NDC1: variants seen among roughly 807,000 people sequenced by gnomAD.
The protein encoded by NDC1 is nucleoporin NDC1.
In NDC1, 24 loss-of-function variants were observed where a neutral mutation model predicts 89.8. The observed-to-expected ratio is 0.27, with a 90% CI of 0.19 to 0.38. The LOEUF is 0.38. Among genes scored for constraint, NDC1 ranks in the 10% least tolerant of loss-of-function variants. The pLI is 1.00. For synonymous variants in NDC1, 296 were observed against 284.8 expected, an observed-to-expected ratio of 1.04 and a Z score of -0.39; for missense variants, 728 against 797.6, an observed-to-expected ratio of 0.91 and a Z score of 1.05.
chr1:53,776,430 T>C (rs1411982528), intron 16 of NDC1, among the ~76,000 whole-genome samples: 1 of 152,192 alleles, frequency 6.6e-6, no homozygotes, highest in Non-Finnish European at 1.5e-5. Flanking sequence ...AGAATTAGCA[T>C]GTAAAAATGG....
intron 6 of NDC1, among the ~76,000 whole-genome samples, chr1:53,818,486 G>A (rs1052617243): frequency 1.3e-5 from 2 of 151,832 alleles, no homozygotes; most frequent in African/African-American, 2.4e-5. Flanking sequence ...ATACAGTAGT[G>A]TTAACTATAT....
At chr1:53,826,690 T>C (rs1439821042) in intron 4 of NDC1, among the ~76,000 whole-genome samples, 1 of 152,144 alleles carries the variant, frequency 6.6e-6, no homozygotes, top group Non-Finnish European at 1.5e-5. Context: ...ATCTCTATGA[T>C]CTATGAGATA....
chr1:53,810,572 T>C (rs1332051017), intron 6 of NDC1, among the ~76,000 whole-genome samples: 1 of 152,052 alleles, frequency 6.6e-6, no homozygotes, highest in Non-Finnish European at 1.5e-5. Context: ...TAAACAACTC[T>C]AGAGGAACAA....
rs1647064690 is a variant in NDC1 at position 53,766,235 on chromosome 1, T to C, written c.*1735A>G. ...AAGTTCAAAGGAATCATCCTATCTT[T>C]ATTCTCAGAAATCCAATGTTGAATA... is the stretch of plus-strand genomic sequence containing the variant. On this transcript the variant is annotated 3_prime_UTR_variant, in exon 18 of 18. Transcript: ENST00000371429. 6.6e-6 allele frequency: 1 copy of C among 152,236 alleles called. No individual in the cohort carries two copies. The highest frequency in any genetic ancestry group is 2.4e-5 in the African/African-American group (1 of 41,458). The allele number at this position is 152,236 out of a possible 1,614,324, so 9.4% of individuals were successfully genotyped here.
At chr1:53,772,143 G>A (rs1647118665) in intron 17 of NDC1, among the ~76,000 whole-genome samples, 186 bp downstream of exon 17, 2 of 151,920 alleles carry the variant, frequency 1.3e-5, no homozygotes, top group Non-Finnish European at 2.9e-5. Flanking sequence ...AATCCCCAAA[G>A]CTTTATGATG....
At chr1:53,819,890 G>A (rs1173104299) in intron 5 of NDC1, among the ~76,000 whole-genome samples, 1 of 151,996 alleles carries the variant, frequency 6.6e-6, no homozygotes, top group Non-Finnish European at 1.5e-5. Flanking sequence ...GGGCCACACT[G>A]AAAGAAGAAT....
chr1:53,828,148 T>G lies in NDC1; in HGVS notation c.306A>C (p.Arg102Ser). 2 of 1,614,040 alleles carry G rather than the reference T, an allele frequency of 1.2e-6. No homozygotes were observed. The highest frequency in any genetic ancestry group is 1.3e-5 in the African/African-American group (1 of 75,006). The change falls in exon 4 of 18, where the codon AGA becomes AGC. Residue 102 changes from arginine (R) to serine (S), a missense_variant. Transcript: ENST00000371429. ...YAVVPSIPCS[R>S]LALIGKIIHP... is the part of the protein sequence containing the mutation. ...GAATGATCTTCCCTATCAGAGCTAG[T>G]CTGGAGCAAGGAATAGAAGGCACAA... is the stretch of plus-strand genomic sequence containing the variant.
chr1:53,777,468 C>T (rs1647172351), intron 16 of NDC1, among the ~76,000 whole-genome samples: 1 of 152,116 alleles, frequency 6.6e-6, no homozygotes, highest in African/African-American at 2.4e-5. Context: ...CCAACACACC[C>T]TAATGGTATA....
intron 6 of NDC1, among the ~76,000 whole-genome samples, chr1:53,816,479 C>G (rs1246698649): frequency 6.6e-6 from 1 of 152,010 alleles, no homozygotes; most frequent in African/African-American, 2.4e-5. Context: ...AACCTAAGAC[C>G]TGAAACCATA....
intron 3 of NDC1, among the ~76,000 whole-genome samples, 195 bp from the exon 4 acceptor site, chr1:53,828,368 G>A (rs1379786182): frequency 2.6e-5 from 4 of 151,848 alleles, no homozygotes; most frequent in African/African-American, 9.7e-5. Flanking sequence ...TGAATAAACA[G>A]ACACAAAAAA....
At chr1:53,793,327 A>G (rs72662316) in intron 13 of NDC1, 48 bp from the exon 14 acceptor site, 1,122 of 1,411,582 alleles carry the variant, frequency 7.9e-4, no homozygotes, top group Non-Finnish European at 1.1e-3. Context: ...TTTAAATTCT[A>G]TTCAAATATA....
chr1:53,780,855 TTTTC>T (rs1647200255), intron 16 of NDC1, among the ~76,000 whole-genome samples: 2 of 141,498 alleles, frequency 1.4e-5, no homozygotes, highest in African/African-American at 3.0e-5. Context: ...TAAGTTTAAT[TTTTC>T]TTTCTTTTTT....
At chr1:53,800,417 A>T (rs1165087519) in intron 11 of NDC1, among the ~76,000 whole-genome samples, 1 of 145,746 alleles carries the variant, frequency 6.9e-6, no homozygotes, top group Non-Finnish European at 1.5e-5. Context: ...CTCACTGCAA[A>T]CTCCGCCTCC....
At position 53,819,046 on chromosome 1, in the gene NDC1, G is replaced by A; in HGVS notation, c.628C>T (p.Leu210Phe). Reference protein sequence around the residue: ...YKFLRFRRSLLLLVKHSCVES... With the variant: ...YKFLRFRRSLFLLVKHSCVES... Reference sequence around the variant, plus strand: ...ACACAACTGTGTTTAACTAATAAGAGCAGAGATCTCCTAAAACGCAAGAAC... The same window carrying A: ...ACACAACTGTGTTTAACTAATAAGAACAGAGATCTCCTAAAACGCAAGAAC... The change falls in exon 6 of 18, where the codon CTC becomes TTC. Residue 210 changes from leucine (L) to phenylalanine (F), a missense_variant. Physicochemically the swap from Leu to Phe is conservative, Grantham distance 22. Coordinates refer to ENST00000371429, the MANE Select transcript of NDC1 (RefSeq NM_018087.5). 1 of 1,580,580 alleles carries A rather than the reference G, an allele frequency of 6.3e-7. No individual in the cohort carries two copies.
At chr1:53,816,357 C>G (rs570465346) in intron 6 of NDC1, among the ~76,000 whole-genome samples, 2 of 152,168 alleles carry the variant, frequency 1.3e-5, no homozygotes, top group Non-Finnish European at 2.9e-5. Flanking sequence ...GAAAGGACAC[C>G]CTTTTCAACA....
At chr1:53,814,460 G>C (rs1302868459) in intron 6 of NDC1, among the ~76,000 whole-genome samples, 1 of 152,120 alleles carries the variant, frequency 6.6e-6, no homozygotes, top group African/African-American at 2.4e-5. Context: ...GTGCTAAGAG[G>C]AAAGTTCATA....
At position 53,819,087 on chromosome 1, in the gene NDC1, G is replaced by T; in HGVS notation, c.595-8C>A. ...ACGCAAGAACTTGTATTGCTGTGGG[G>T]AAAAAAAAAAGAATCAAATGACACA... On this transcript the variant is annotated splice_region_variant and splice_polypyrimidine_tract_variant and intron_variant, in intron 5 of 17. Coordinates refer to ENST00000371429, the MANE Select transcript of NDC1 (RefSeq NM_018087.5). 4.1e-6 allele frequency: 5 copies of T among 1,232,468 alleles called. No homozygotes were observed. Among genetic ancestry groups the T allele is most frequent in the South Asian group, 1.4e-5 (1 of 69,908 alleles). The allele number at this position is 1,232,468 out of a possible 1,614,324, so 76.3% of individuals were successfully genotyped here.
chr1:53,783,639 G>A lies in NDC1; in HGVS notation c.1800+3519C>T, dbSNP rs181536495. Among the ~76,000 whole-genome samples, 21 of 152,296 alleles carry A rather than the reference G, an allele frequency of 1.4e-4. No individual in the cohort carries two copies. The East Asian group carries it at 4.0e-3, about 29-fold the overall frequency. On this transcript the variant is annotated intron_variant, in intron 16 of 17. Transcript: ENST00000371429. ...CAATGCAGCAGTGTTGAGAGATGGG[G>A]CCTAATGGGAGGTGTTTAGGTCAGG...
chr1:53,815,042 T>C (rs1648433056), intron 6 of NDC1, among the ~76,000 whole-genome samples: 1 of 152,154 alleles, frequency 6.6e-6, no homozygotes, highest in Non-Finnish European at 1.5e-5. Context: ...GAAGAATTAG[T>C]ACCAATCCTT....
Sources: allele counts gnomAD v4.1 joint callset (sites outside exome capture counted in the v4.1 genomes callset), GRCh38; gene constraint gnomAD v4.1.1; transcripts MANE v1.5; gene names NCBI Gene and HGNC (gene_info 2026-07-23, HGNC 2026-07-21).